Variants in NINJ2 observed in about 807,000 individuals in gnomAD.
NINJ2 encodes ninjurin 2, also known as ninjurin-2.
In NINJ2, 12 loss-of-function variants were observed where a neutral mutation model predicts 11.7. The observed-to-expected ratio is 1.02, with a 90% confidence interval of 0.66 to 1.66. The LOEUF is 1.66. Ranked by LOEUF, NINJ2 falls within the 40% of genes most tolerant of loss-of-function variation. NINJ2 has a pLI of 0.00. For synonymous variants in NINJ2, 93 were observed against 76.8 expected, an observed-to-expected ratio of 1.21 and a Z score of -1.10; for missense variants, 187 against 181.8, an observed-to-expected ratio of 1.03 and a Z score of -0.16.
chr12:574,261 T>C (rs568925139), intron 1 of NINJ2, among the ~76,000 whole-genome samples: 1 of 151,890 alleles, frequency 6.6e-6, no homozygotes, highest in African/African-American at 2.4e-5. Context: ...TGGAGGGAGG[T>C]TGCAGTGAGC....
intron 1 of NINJ2, among the ~76,000 whole-genome samples, chr12:620,506 G>T (rs1052625557): frequency 2.0e-5 from 3 of 152,232 alleles, no homozygotes; most frequent in African/African-American, 7.2e-5. Flanking sequence ...TAAGATACAT[G>T]TAAAAAGTAT....
At chr12:656,213 AATTAGC>A (rs985714295) in intron 1 of NINJ2, among the ~76,000 whole-genome samples, 1 of 151,564 alleles carries the variant, frequency 6.6e-6, no homozygotes, top group African/African-American at 2.4e-5. Context: ...AAATACAAAA[AATTAGC>A]TGGGCGTGGT....
chr12:601,290 T>G (rs1019933078), intron 1 of NINJ2, among the ~76,000 whole-genome samples: 13 of 152,352 alleles, frequency 8.5e-5, no homozygotes, highest in Admixed American at 4.6e-4. Context: ...CTCACGCCTG[T>G]AATCCCAGCA....
At chr12:635,027 C>G (rs2120452632) in intron 1 of NINJ2, among the ~76,000 whole-genome samples, 1 of 151,456 alleles carries the variant, frequency 6.6e-6, no homozygotes, top group East Asian at 1.9e-4. Flanking sequence ...TTACAGGTGT[C>G]AATCACTACA....
At chr12:638,684 G>T (rs1040719607) in intron 1 of NINJ2, among the ~76,000 whole-genome samples, 3 of 152,180 alleles carry the variant, frequency 2.0e-5, no homozygotes, top group African/African-American at 7.2e-5. Flanking sequence ...CAAAGTGCTG[G>T]GATTACAGGC....
intron 1 of NINJ2, among the ~76,000 whole-genome samples, chr12:603,423 A>T (rs1947898291): frequency 6.6e-6 from 1 of 152,018 alleles, no homozygotes; most frequent in South Asian, 2.1e-4. Flanking sequence ...TTTAATATTC[A>T]TGAAGCCCAA....
In NINJ2 at chr12:614,213, C is replaced by T. The variant is rs928076622; in HGVS notation, c.34-48035G>A. On this transcript the variant is annotated intron_variant, in intron 1 of 3. Coordinates refer to ENST00000305108, the MANE Select transcript of NINJ2 (RefSeq NM_016533.6). The surrounding 1 kb of genome is among the most constrained non-coding windows in gnomAD (Gnocchi z 5.1). ...GACTTTCCAGCCTTCTCCACAGGCACCTGCTCAGCTTGGTTTGGGTCCATG... is the reference window on the plus strand; with the variant it reads ...GACTTTCCAGCCTTCTCCACAGGCATCTGCTCAGCTTGGTTTGGGTCCATG... Among the ~76,000 whole-genome samples the T allele has an allele frequency of 7.2e-5, 11 of 152,210 alleles. No individual in the cohort carries two copies. Among genetic ancestry groups the T allele is most frequent in the African/African-American group, 2.4e-4 (10 of 41,458 alleles).
chr12:583,921 T>C (rs1309298265), intron 1 of NINJ2, among the ~76,000 whole-genome samples: 1 of 152,188 alleles, frequency 6.6e-6, no homozygotes, highest in African/African-American at 2.4e-5. Flanking sequence ...TAAGGATCTA[T>C]ATTTATATAC....
chr12:622,866 C>T (rs184548313), intron 1 of NINJ2, among the ~76,000 whole-genome samples: 31 of 152,080 alleles, frequency 2.0e-4, no homozygotes, highest in Admixed American at 1.7e-3. Flanking sequence ...CACATGGACC[C>T]CCTTGGGAAT....
chr12:585,286 C>A lies in NINJ2; in HGVS notation c.34-19108G>T, dbSNP rs1947616141. Reference sequence around the variant, plus strand: ...GGCTTCCCTGCTGCAAGCTCTTAACCCTTAGCGTGAGCAGATGGTAGAACT... The same window carrying A: ...GGCTTCCCTGCTGCAAGCTCTTAACACTTAGCGTGAGCAGATGGTAGAACT... On this transcript the variant is annotated intron_variant, in intron 1 of 3. Coordinates refer to ENST00000305108, the MANE Select transcript of NINJ2 (RefSeq NM_016533.6). This position sits in a 1 kb window ranked among gnomAD's most constrained non-coding sequence, Gnocchi z 4.1. 6.6e-6 allele frequency among the ~76,000 whole-genome samples: 1 copy of A among 152,200 alleles called. No individual in the cohort carries two copies.
chr12:607,382 G>A (rs767247106), intron 1 of NINJ2, among the ~76,000 whole-genome samples: 19 of 151,520 alleles, frequency 1.3e-4, no homozygotes, highest in Non-Finnish European at 2.5e-4. Flanking sequence ...TGATGATGAC[G>A]ACTGGAGTAG....
intron 1 of NINJ2, among the ~76,000 whole-genome samples, chr12:587,365 A>AGCG (rs1236746367): frequency 6.6e-6 from 1 of 152,252 alleles, no homozygotes; most frequent in Non-Finnish European, 1.5e-5. Context: ...CTCCCGGTCA[A>AGCG]GCGGCGGCAG....
chr12:651,378 A>T (rs1399894466), intron 1 of NINJ2, among the ~76,000 whole-genome samples: 1 of 152,196 alleles, frequency 6.6e-6, no homozygotes, highest in Non-Finnish European at 1.5e-5. Flanking sequence ...GTCCTGACCC[A>T]CCTAAGGTGT....
chr12:652,071 T>A (rs963332653), intron 1 of NINJ2, among the ~76,000 whole-genome samples: 13 of 151,956 alleles, frequency 8.6e-5, no homozygotes, highest in Admixed American at 6.6e-5. Context: ...TAATGCTAGA[T>A]GCCAAATTAT....
At chr12:647,410 A>AGCACTGACAGTGTGGTGGTGCCCT (rs144621143) in intron 1 of NINJ2, among the ~76,000 whole-genome samples, 2 of 152,156 alleles carry the variant, frequency 1.3e-5, no homozygotes, top group Non-Finnish European at 2.9e-5. Context: ...TGCACATAGT[A>AGCACTGACAGTGTGGTGGTGCCCT]GCACTGACAG....
chr12:624,110 A>C (rs1948185441), intron 1 of NINJ2, among the ~76,000 whole-genome samples: 1 of 152,102 alleles, frequency 6.6e-6, no homozygotes, highest in Non-Finnish European at 1.5e-5. Context: ...CTCTACCCTC[A>C]CCCTGAACTC....
At chr12:656,758 A>AG (rs949362759) in intron 1 of NINJ2, among the ~76,000 whole-genome samples, 1 of 152,018 alleles carries the variant, frequency 6.6e-6, no homozygotes, top group Non-Finnish European at 1.5e-5. Context: ...CAAAAAAAAA[A>AG]AAAAATTACT....
intron 1 of NINJ2, among the ~76,000 whole-genome samples, chr12:573,140 C>G (rs1206021171): frequency 1.3e-5 from 2 of 151,838 alleles, no homozygotes; most frequent in Non-Finnish European, 2.9e-5. Flanking sequence ...ATTCTCCTGC[C>G]TCAGCCTCCC....
intron 1 of NINJ2, among the ~76,000 whole-genome samples, chr12:624,234 G>A (rs1196998174): frequency 2.0e-5 from 3 of 152,296 alleles, no homozygotes; most frequent in South Asian, 4.1e-4. Context: ...AAACCTATGT[G>A]TAAAGGTATG....
Sources: gnomAD v4.1 joint callset for allele counts (sites outside exome capture counted in the v4.1 genomes callset) on GRCh38, gnomAD v4.1.1 for gene constraint, Gnocchi (gnomAD v3.1) non-coding constraint, MANE v1.5 for transcripts, NCBI Gene and HGNC (gene_info 2026-07-23, HGNC 2026-07-21) for gene names.